Variants in ARMH1 observed in about 807,000 individuals in gnomAD.
The protein encoded by ARMH1 is armadillo-like helical domain containing protein 1.
A neutral mutation model predicts 50.2 loss-of-function variants in ARMH1; 34 were observed. The ratio of observed to expected loss-of-function variants is 0.68; its 90% CI spans 0.51 to 0.90. The LOEUF (loss-of-function observed/expected upper bound fraction) is 0.90. Ranked by LOEUF, ARMH1 falls within the 40% of genes least tolerant of loss-of-function variation. The pLI, the probability that ARMH1 is intolerant of heterozygous loss-of-function variation, is 0.00. For missense variants in ARMH1, 538 were observed against 553.9 expected, an observed-to-expected ratio of 0.97 and a Z score of 0.29; for synonymous variants, 221 against 224.2, an observed-to-expected ratio of 0.99 and a Z score of 0.13.
rs1240482664 is a variant in ARMH1 at position 44,724,588 on chromosome 1, C to G, written c.970C>G (p.Arg324Gly). 1 of 1,518,396 alleles carries G rather than the reference C, an allele frequency of 6.6e-7. No homozygotes were observed. The highest frequency in any genetic ancestry group is 2.0e-5 in the Admixed American group (1 of 48,848). 94.1% of individuals were successfully genotyped at this position (1,518,396 alleles called of 1,614,324 possible). A position where few individuals can be genotyped will look rare whatever the true frequency, so the allele number is the denominator to read the frequency against. The change falls in exon 9 of 12, where the codon CGC (arginine) becomes GGC (glycine). Residue 324 changes from arginine (R) to glycine (G), a missense_variant. Arg to Gly is a moderately radical substitution (Grantham distance 125). Coordinates refer to ENST00000535358, the MANE Select transcript of ARMH1 (RefSeq NM_001145636.2). This position sits in a 1 kb window ranked among gnomAD's most constrained non-coding sequence, Gnocchi z 6.4. ...CATCGCCGAGGAGCTGCTGTACCTG[C>G]GCGTGGTGCGTGGCCTAATGGCCGC... ...MSIAEELLYL[R>G]VVRGLMAAMG...
At chr1:44,689,562 A>G in intron 1 of ARMH1, 114 bp from the exon 2 acceptor site, 4 of 793,432 alleles carry the variant, frequency 5.0e-6, no homozygotes, top group East Asian at 2.7e-5. Context: ...GCGCATAACT[A>G]CATCCATTTG....
chr1:44,725,212 C>G lies in ARMH1; in HGVS notation c.1205C>G (p.Thr402Ser). The G allele has an allele frequency of 1.3e-6, 2 of 1,551,962 alleles. No individual in the cohort carries two copies. The highest frequency in any genetic ancestry group is 1.7e-6 in the Non-Finnish European group (2 of 1,147,050). Residue 402 changes from threonine (T) to serine (S), a missense_variant, in exon 11 of 12, where the codon ACC becomes AGC. Transcript: ENST00000535358. Reference sequence around the variant, plus strand: ...TTGGCGGCCAACACAGTCAATGTTACCAAAGGTGAGTGTGGGACGAGGGAA... The same window carrying G: ...TTGGCGGCCAACACAGTCAATGTTAGCAAAGGTGAGTGTGGGACGAGGGAA... ...DILAANTVNV[T>S]KALCLHGSSY...
intron 6 of ARMH1, among the ~76,000 whole-genome samples, chr1:44,706,442 G>A (rs1191898042): frequency 6.6e-6 from 1 of 152,148 alleles, no homozygotes; most frequent in Non-Finnish European, 1.5e-5. Flanking sequence ...GGACTCCTGT[G>A]TCCAGGATGA....
intron 1 of ARMH1, among the ~76,000 whole-genome samples, 185 bp downstream of exon 1, chr1:44,675,058 C>T (rs1159664775): frequency 6.6e-6 from 1 of 152,126 alleles, no homozygotes; most frequent in Non-Finnish European, 1.5e-5. Context: ...GGGAGTGCAA[C>T]TTTCTTGCAT....
chr1:44,704,963 T>C (rs955058779), intron 6 of ARMH1, among the ~76,000 whole-genome samples: 6 of 151,656 alleles, frequency 4.0e-5, no homozygotes, highest in Admixed American at 1.3e-4. Context: ...GCCTCCCAAG[T>C]AGCTGGGACT....
At chr1:44,703,590 A>C (rs1291832912) in intron 5 of ARMH1, among the ~76,000 whole-genome samples, 1 of 146,734 alleles carries the variant, frequency 6.8e-6, no homozygotes, top group South Asian at 2.2e-4. Flanking sequence ...TTAGCTGGGC[A>C]TGGTGGCGGG....
intron 1 of ARMH1, among the ~76,000 whole-genome samples, chr1:44,684,954 C>G (rs1169357225): frequency 6.6e-6 from 1 of 152,126 alleles, no homozygotes; most frequent in African/African-American, 2.4e-5. Context: ...AATAGCACCC[C>G]TGCTCTCTCA....
intron 2 of ARMH1, 30 bp downstream of exon 2, chr1:44,689,933 T>A: frequency 6.6e-6 from 10 of 1,506,722 alleles, no homozygotes; most frequent in Admixed American, 6.0e-5. Context: ...AAAAAAAAAA[T>A]TAGGCACCGG....
Position 44,681,320 on chromosome 1 carries a change from T to G in ARMH1, c.-23+6447T>G, listed in dbSNP as rs535967155. Among the ~76,000 whole-genome samples the G allele has an allele frequency of 1.3e-4, 20 of 152,066 alleles. No individual in the cohort carries two copies. The highest frequency in any genetic ancestry group is 2.4e-4 in the Non-Finnish European group (16 of 68,020). On this transcript the variant is annotated intron_variant, in intron 1 of 11. Coordinates refer to ENST00000535358, the MANE Select transcript of ARMH1 (RefSeq NM_001145636.2). This position sits in a 1 kb window ranked among gnomAD's most constrained non-coding sequence, Gnocchi z 4.3. ...GTGAGGCTCCATTTCTAAAAAATTT[T>G]TTTAAGTTAGCCAGGCATGGTGGTG... is the stretch of plus-strand genomic sequence containing the variant.
chr1:44,721,523 A>T (rs1647130323), intron 6 of ARMH1, among the ~76,000 whole-genome samples: 2 of 152,296 alleles, frequency 1.3e-5, no homozygotes, highest in East Asian at 3.9e-4. Context: ...TAAAAAAAAA[A>T]ATCTTATAAA....
At chr1:44,712,535 CAAAAAAAAAAAAAAAAA>C (rs35480137) in intron 6 of ARMH1, among the ~76,000 whole-genome samples, 1 of 64,828 alleles carries the variant, frequency 1.5e-5, no homozygotes, top group South Asian at 5.6e-4. Context: ...CAGGGAACCG[CAAAAAAAAAAAAAAAAA>C]AAAAAGGACA....
At chr1:44,709,707 C>T (rs1288178392) in intron 6 of ARMH1, among the ~76,000 whole-genome samples, 12 of 149,044 alleles carry the variant, frequency 8.1e-5, no homozygotes, top group Admixed American at 6.1e-4. Context: ...CATGGTGGCG[C>T]GCACCTGTAG....
At chr1:44,708,729 A>G (rs138163063) in intron 6 of ARMH1, among the ~76,000 whole-genome samples, 8 of 152,180 alleles carry the variant, frequency 5.3e-5, no homozygotes, top group Middle Eastern at 6.8e-3. Flanking sequence ...CTCCTTTTCT[A>G]TGAAGAACGC....
At position 44,683,651 on chromosome 1, in the gene ARMH1, C is replaced by A. The variant is rs1645380696; in HGVS notation, c.-22-6025C>A. On this transcript the variant is annotated intron_variant, in intron 1 of 11. Coordinates refer to ENST00000535358, the MANE Select transcript of ARMH1 (RefSeq NM_001145636.2). This position sits in a 1 kb window ranked among gnomAD's most constrained non-coding sequence, Gnocchi z 4.2. ...TGACAACAGGAGATTATTGGTGACACCTTGGAGCACAGAGGAGAACAGGAT... is the reference window on the plus strand; with the variant it reads ...TGACAACAGGAGATTATTGGTGACAACTTGGAGCACAGAGGAGAACAGGAT... Among the ~76,000 whole-genome samples the A allele has an allele frequency of 6.6e-6, 1 of 152,132 alleles. No individual in the cohort carries two copies. The highest frequency in any genetic ancestry group is 2.4e-5 in the African/African-American group (1 of 41,410).
intron 6 of ARMH1, among the ~76,000 whole-genome samples, chr1:44,723,340 C>CCTGG (rs1278124050): frequency 6.6e-6 from 1 of 152,186 alleles, no homozygotes; most frequent in Non-Finnish European, 1.5e-5. Flanking sequence ...CAATGCCGCG[C>CCTGG]CTGGCACCAT....
intron 5 of ARMH1, among the ~76,000 whole-genome samples, chr1:44,701,346 A>C (rs760345094): frequency 1.3e-5 from 2 of 152,210 alleles, no homozygotes; most frequent in Non-Finnish European, 2.9e-5. Context: ...AGATGTTGGC[A>C]GACTTAAAAG....
chr1:44,720,375 T>G (rs1166235232), intron 6 of ARMH1, among the ~76,000 whole-genome samples: 3 of 151,972 alleles, frequency 2.0e-5, no homozygotes, highest in African/African-American at 7.3e-5. Flanking sequence ...AGGCTGGTGG[T>G]TTCTAAGCGT....
intron 1 of ARMH1, chr1:44,688,317 G>A (rs896150768): frequency 2.0e-5 from 3 of 152,316 alleles, no homozygotes; most frequent in Non-Finnish European, 4.4e-5. Flanking sequence ...GGGAGTAGTA[G>A]AGGTTGGTGT....
chr1:44,704,255 G>C, intron 6 of ARMH1, 82 bp downstream of exon 6: 1 of 1,056,112 alleles, frequency 9.5e-7, no homozygotes. Context: ...GTCACAAAGA[G>C]CCTTGATGTT....
Sources: gnomAD v4.1 joint callset for allele counts (sites outside exome capture counted in the v4.1 genomes callset) on GRCh38, gnomAD v4.1.1 for gene constraint, Gnocchi (gnomAD v3.1) non-coding constraint, MANE v1.5 for transcripts, NCBI Gene and HGNC (gene_info 2026-07-23, HGNC 2026-07-21) for gene names.